The following CACNB4 variants were observed in gnomAD, a reference collection of about 807,000 sequenced individuals.
CACNB4 encodes calcium voltage-gated channel auxiliary subunit beta 4.
A neutral mutation model predicts 71.2 loss-of-function variants in CACNB4; 32 were observed. That is an observed-to-expected ratio of 0.45 (90% CI 0.34 to 0.60). CACNB4 has a LOEUF of 0.60. Among genes scored for constraint, CACNB4 ranks in the 20% least tolerant of loss-of-function variants. The probability of loss-of-function intolerance (pLI) is 0.01; values close to 1 mark genes in which losing one functional copy is unlikely to be tolerated. For missense variants in CACNB4, 464 were observed against 647.9 expected, an observed-to-expected ratio of 0.72 and a Z score of 3.08; for synonymous variants, 231 against 236.9, an observed-to-expected ratio of 0.97 and a Z score of 0.23.
chr2:151,974,235 A>C (rs2099873364), intron 2 of CACNB4, among the ~76,000 whole-genome samples: 1 of 152,252 alleles, frequency 6.6e-6, no homozygotes, highest in South Asian at 2.1e-4. Flanking sequence ...TGGAGAAGGG[A>C]GCAAAGGAAA....
intron 12 of CACNB4, among the ~76,000 whole-genome samples, chr2:151,843,701 C>T (rs1036009406): frequency 6.6e-6 from 1 of 152,164 alleles, no homozygotes; most frequent in African/African-American, 2.4e-5. Context: ...ATAAGAACCT[C>T]CCAGGAATGA....
intron 2 of CACNB4, among the ~76,000 whole-genome samples, chr2:151,978,625 C>T (rs890505605): frequency 6.6e-6 from 1 of 152,298 alleles, no homozygotes. Flanking sequence ...ATAAAACGTT[C>T]GGATGGGTAC....
At chr2:151,875,745 C>T (rs1438736856) in intron 5 of CACNB4, among the ~76,000 whole-genome samples, 11 of 95,554 alleles carry the variant, frequency 1.2e-4, no homozygotes, top group South Asian at 4.8e-4. Context: ...GTAGGGGCGG[C>T]CGGGCAGAGG....
intron 2 of CACNB4, among the ~76,000 whole-genome samples, chr2:152,080,027 T>G (rs1466736215): frequency 1.3e-5 from 2 of 152,194 alleles, no homozygotes; most frequent in Non-Finnish European, 1.5e-5. Flanking sequence ...TATTGAATTG[T>G]ACTCCAGCAT....
intron 2 of CACNB4, among the ~76,000 whole-genome samples, chr2:152,029,233 G>A (rs191148758): frequency 5.3e-5 from 8 of 152,038 alleles, no homozygotes; most frequent in African/African-American, 1.9e-4. Context: ...GGTGGCTCAC[G>A]CCTGTAATCC....
At chr2:151,898,451 C>T (rs2099852609) in intron 2 of CACNB4, among the ~76,000 whole-genome samples, 1 of 152,178 alleles carries the variant, frequency 6.6e-6, no homozygotes, top group Admixed American at 6.5e-5. Flanking sequence ...CGAGCCAACC[C>T]ACCACAAACT....
intron 2 of CACNB4, among the ~76,000 whole-genome samples, chr2:152,052,637 T>G (rs1036411877): frequency 6.6e-6 from 1 of 152,184 alleles, no homozygotes; most frequent in Non-Finnish European, 1.5e-5. Context: ...TCAAGGACCC[T>G]CTGTACTTCA....
intron 2 of CACNB4, among the ~76,000 whole-genome samples, chr2:152,060,828 C>A (rs898267903): frequency 6.6e-6 from 1 of 151,936 alleles, no homozygotes; most frequent in Non-Finnish European, 1.5e-5. Flanking sequence ...TATCAAATAA[C>A]AAAACAATAC....
At chr2:152,060,565 T>C (rs1220283269) in intron 2 of CACNB4, among the ~76,000 whole-genome samples, 1 of 152,184 alleles carries the variant, frequency 6.6e-6, no homozygotes, top group Non-Finnish European at 1.5e-5. Context: ...CCACAACTCA[T>C]GTCAAGGGGT....
chr2:151,833,727 A>G lies in CACNB4; in HGVS notation c.*5392T>C, dbSNP rs2099834290. On this transcript the variant is annotated 3_prime_UTR_variant, in exon 14 of 14. Coordinates refer to ENST00000539935, the MANE Select transcript of CACNB4 (RefSeq NM_000726.5). ...TACTTTTAAAAAATATGACTGCCAA[A>G]TTTAACGGTGGATTTTGTTATAAGT... 6.6e-6 allele frequency: 1 copy of G among 152,074 alleles called. No individual in the cohort carries two copies. Among genetic ancestry groups the G allele is most frequent in the South Asian group, 2.1e-4 (1 of 4,828 alleles). The allele number at this position is 152,074 out of a possible 1,614,324, so 9.4% of individuals were successfully genotyped here. A position where few individuals can be genotyped will look rare whatever the true frequency, so the allele number is the denominator to read the frequency against.
intron 2 of CACNB4, among the ~76,000 whole-genome samples, chr2:152,004,084 C>T (rs1003197373): frequency 6.6e-5 from 10 of 152,100 alleles, no homozygotes; most frequent in Admixed American, 2.6e-4. Context: ...TCTCCAAAAG[C>T]GCTGGGACTA....
intron 2 of CACNB4, among the ~76,000 whole-genome samples, chr2:152,053,539 T>TC (rs1214750626): frequency 6.6e-6 from 1 of 151,678 alleles, no homozygotes; most frequent in Non-Finnish European, 1.5e-5. Context: ...TTTTTTTTTT[T>TC]TTGAAACAAG....
At chr2:151,999,656 T>C (rs957299878) in intron 2 of CACNB4, among the ~76,000 whole-genome samples, 11 of 152,210 alleles carry the variant, frequency 7.2e-5, no homozygotes. Flanking sequence ...CTTCTTGGTA[T>C]AATTAAGGCA....
intron 9 of CACNB4, among the ~76,000 whole-genome samples, chr2:151,864,269 C>A (rs1301753560): frequency 6.6e-6 from 1 of 152,098 alleles, no homozygotes; most frequent in East Asian, 1.9e-4. Context: ...GATGTAGCAG[C>A]GAATGTTCCT....
At chr2:151,902,033 T>A (rs1375045168) in intron 2 of CACNB4, among the ~76,000 whole-genome samples, 2 of 11,282 alleles carry the variant, frequency 1.8e-4, no homozygotes, top group African/African-American at 3.5e-4. Flanking sequence ...CAACATCACC[T>A]TTTTTTTTTT....
chr2:151,855,018 T>C, intron 11 of CACNB4: 1 of 393,628 alleles, frequency 2.5e-6, no homozygotes, highest in South Asian at 1.1e-4. Flanking sequence ...GTTTGGGATC[T>C]ACAATAGTAG....
intron 13 of CACNB4, chr2:151,841,642 T>G: frequency 5.2e-6 from 2 of 386,758 alleles, no homozygotes; most frequent in South Asian, 6.7e-5. Flanking sequence ...GCCAGCAGAG[T>G]TTAGACATAG....
At chr2:151,875,788 G>A (rs1185848165) in intron 5 of CACNB4, among the ~76,000 whole-genome samples, 3 of 122,006 alleles carry the variant, frequency 2.5e-5, no homozygotes, top group African/African-American at 3.4e-5. Flanking sequence ...GCGGCTGGCC[G>A]GGCAGGGGGC....
At chr2:151,865,448 T>C (rs1232772606) in intron 9 of CACNB4, among the ~76,000 whole-genome samples, 1 of 152,242 alleles carries the variant, frequency 6.6e-6, no homozygotes, top group Non-Finnish European at 1.5e-5. Flanking sequence ...GTCCAATAAA[T>C]GTCACAGAGT....
Sources: gnomAD v4.1 joint callset for allele counts (sites outside exome capture counted in the v4.1 genomes callset) on GRCh38, gnomAD v4.1.1 for gene constraint, MANE v1.5 for transcripts, NCBI Gene and HGNC (gene_info 2026-07-23, HGNC 2026-07-21) for gene names.